Variants in RNF25 observed in about 807,000 individuals in gnomAD.
RNF25 encodes ring finger protein 25.
RNF25 carries 32 observed loss-of-function variants against 65.0 expected under a neutral mutation model. The observed-to-expected ratio is 0.49, with a 90% CI of 0.37 to 0.66. The LOEUF is 0.66. Among genes scored for constraint, RNF25 ranks in the 30% least tolerant of loss-of-function variants. RNF25 has a pLI of 0.00. For missense variants in RNF25, 493 were observed against 584.8 expected, an observed-to-expected ratio of 0.84 and a Z score of 1.62; for synonymous variants, 207 against 221.2, an observed-to-expected ratio of 0.94 and a Z score of 0.57.
chr2:218,669,604 G>T (rs1041739766), intron 1 of RNF25, among the ~76,000 whole-genome samples: 1 of 152,160 alleles, frequency 6.6e-6, no homozygotes. Context: ...ACATACTTAA[G>T]CATAGAAACA....
intron 1 of RNF25, among the ~76,000 whole-genome samples, chr2:218,670,819 C>T (rs909162078): frequency 7.3e-5 from 11 of 151,524 alleles, no homozygotes; most frequent in African/African-American, 2.7e-4. Flanking sequence ...TATCTTTTGG[C>T]AAATCACTTT....
In RNF25 at chr2:218,663,895, G is replaced by T; in HGVS notation, c.*62C>A. The T allele has an allele frequency of 7.6e-7, 1 of 1,320,724 alleles. No individual in the cohort carries two copies. Among genetic ancestry groups the T allele is most frequent in the South Asian group, 2.1e-5 (1 of 46,976 alleles). The allele number at this position is 1,320,724 out of a possible 1,614,324, so 81.8% of individuals were successfully genotyped here. A position where few individuals can be genotyped will look rare whatever the true frequency, so the allele number is the denominator to read the frequency against. On this transcript the variant is annotated 3_prime_UTR_variant, in exon 10 of 10. Transcript: ENST00000295704. The stretch of plus-strand genomic sequence containing the variant: ...CTGCTAAGCAAAGAAAGCCAAAGAA[G>T]GCCAAATATCTTTATTGCCTCCCTC...
At chr2:218,665,625 C>T (rs1968346) in intron 7 of RNF25, among the ~76,000 whole-genome samples, 50,136 of 151,720 alleles carry the variant, frequency 0.33, 8,825 homozygotes, top group Non-Finnish European at 0.39. Context: ...CACCTATAAT[C>T]CCAGCTACTC....
chr2:218,669,226 G>A (rs1939898276), intron 1 of RNF25, among the ~76,000 whole-genome samples: 2 of 152,216 alleles, frequency 1.3e-5, no homozygotes, highest in African/African-American at 4.8e-5. Flanking sequence ...TGTAATGGAA[G>A]AGCCAGCAGC....
In RNF25 at chr2:218,668,257, C is replaced by T. The variant is rs1448622892; in HGVS notation, c.201G>A (p.Val67=). The change falls in exon 3 of 10, where the codon GTG becomes GTA. Residue 67 remains valine, a synonymous_variant. Transcript: ENST00000295704. The part of the protein sequence containing the change: ...QDSQYVCFTL[V]LQVPAEYPHE... ...GCTTCACCTCTGCTGGGACCTGAAGCACCAGAGTGAAGCAGACATACTGTG... is the reference window on the plus strand; with the variant it reads ...GCTTCACCTCTGCTGGGACCTGAAGTACCAGAGTGAAGCAGACATACTGTG... 2.5e-6 allele frequency: 4 copies of T among 1,614,008 alleles called. No individual in the cohort carries two copies. The highest frequency in any genetic ancestry group is 3.4e-6 in the Non-Finnish European group (4 of 1,179,988).
At position 218,664,244 on chromosome 2, in the gene RNF25, C is replaced by T. The variant is rs751839663; in HGVS notation, c.1093G>A (p.Gly365Ser). ...PKGGECHAPK[G>S]TRDTQELPPP... Reference sequence around the variant, plus strand: ...GGCAGTTCCTGGGTGTCACGGGTACCTTTAGGGGCGTGGCACTCCCCTCCC... The same window carrying T: ...GGCAGTTCCTGGGTGTCACGGGTACTTTTAGGGGCGTGGCACTCCCCTCCC... Residue 365 changes from glycine to serine, a missense_variant, in exon 10 of 10, where the codon GGT (glycine) becomes AGT (serine). Gly to Ser is a moderately conservative substitution (Grantham distance 56). Around this residue, in one of 3 missense-constraint regions of RNF25, gnomAD observed 351 missense variants for 400.2 expected, o/e 0.88. Transcript: ENST00000295704. This position sits in a 1 kb window ranked among gnomAD's most constrained non-coding sequence, Gnocchi z 5.1. The T allele has an allele frequency of 6.2e-7, 1 of 1,603,650 alleles. No individual in the cohort carries two copies. The highest frequency in any genetic ancestry group is 1.3e-5 in the African/African-American group (1 of 74,552).
rs1043135429 is a variant in RNF25 at position 218,671,835 on chromosome 2, A to G, written c.41+95T>C. ...TCTGCCATCCCTCATCCCTCGCTCC[A>G]CCCCACACGCCCGCCGTACGGACCG... On this transcript the variant is annotated intron_variant, in intron 1 of 9. Transcript: ENST00000295704. 3 of 1,388,654 alleles carry G rather than the reference A, an allele frequency of 2.2e-6. No homozygotes were observed. The African/African-American group carries it at 4.3e-5, about 20-fold the overall frequency. The allele number at this position is 1,388,654 out of a possible 1,614,324, so 86.0% of individuals were successfully genotyped here. A position where few individuals can be genotyped will look rare whatever the true frequency, so the allele number is the denominator to read the frequency against.
chr2:218,665,899 G>C lies in RNF25; in HGVS notation c.573+17C>G. On this transcript the variant is annotated intron_variant, in intron 7 of 9. Transcript: ENST00000295704. ...CCTAAGGGTGTCAGATGAGTGTGCA[G>C]GTGCAGTGAGGTCTACCTGTTTGGT... 1 of 1,608,842 alleles carries C rather than the reference G, an allele frequency of 6.2e-7. No individual in the cohort carries two copies.
intron 1 of RNF25, 71 bp downstream of exon 1, chr2:218,671,859 C>A: frequency 6.4e-7 from 1 of 1,558,708 alleles, no homozygotes. Context: ...CCGTACGGAC[C>A]GTCTGCGACA....
chr2:218,664,639 T>C lies in RNF25; in HGVS notation c.801+100A>G. 1.3e-6 allele frequency: 2 copies of C among 1,583,450 alleles called. No individual in the cohort carries two copies. The highest frequency in any genetic ancestry group is 1.7e-6 in the Non-Finnish European group (2 of 1,161,152). On this transcript the variant is annotated intron_variant, in intron 9 of 9. Coordinates refer to ENST00000295704, the MANE Select transcript of RNF25 (RefSeq NM_022453.3). This position sits in a 1 kb window ranked among gnomAD's most constrained non-coding sequence, Gnocchi z 5.1. ...TGGGCTGACCACGATCAGCCTATCA[T>C]CTTCCTGGTTAGAACAAAGCTCACT...
At chr2:218,668,203 C>A (rs778272851) in intron 3 of RNF25, 36 bp downstream of exon 3, 5 of 1,611,620 alleles carry the variant, frequency 3.1e-6, no homozygotes, top group Non-Finnish European at 4.2e-6. Flanking sequence ...GGACTCTCCC[C>A]TTCCTCCCTT....
intron 1 of RNF25, 100 bp downstream of exon 1, chr2:218,671,830 G>T: frequency 7.6e-7 from 1 of 1,319,278 alleles, no homozygotes; most frequent in Non-Finnish European, 1.1e-6. Context: ...CTCATCCCTC[G>T]CTCCACCCCA....
intron 1 of RNF25, among the ~76,000 whole-genome samples, chr2:218,670,421 C>T (rs1209000040): frequency 1.3e-5 from 2 of 149,736 alleles, no homozygotes; most frequent in South Asian, 2.1e-4. Flanking sequence ...GGGGGCCGGG[C>T]GCGGTGGCTC....
At position 218,664,667 on chromosome 2, in the gene RNF25, G is replaced by A; in HGVS notation, c.801+72C>T. On this transcript the variant is annotated intron_variant, in intron 9 of 9. Coordinates refer to ENST00000295704, the MANE Select transcript of RNF25 (RefSeq NM_022453.3). This position sits in a 1 kb window ranked among gnomAD's most constrained non-coding sequence, Gnocchi z 5.1. ...TCCTGGTTAGAACAAAGCTCACTCT[G>A]GGGCCATGGCTGATTGGGGTTTGTA... 6.2e-7 allele frequency: 1 copy of A among 1,603,072 alleles called. No individual in the cohort carries two copies. The highest frequency in any genetic ancestry group is 8.5e-7 in the Non-Finnish European group (1 of 1,173,020).
In RNF25 at chr2:218,664,076, C is replaced by A; in HGVS notation, c.1261G>T (p.Glu421Ter). 1 of 1,511,306 alleles carries A rather than the reference C, an allele frequency of 6.6e-7. No homozygotes were observed. Among genetic ancestry groups the A allele is most frequent in the Admixed American group, 2.3e-5 (1 of 43,910 alleles). 93.6% of individuals were successfully genotyped at this position (1,511,306 alleles called of 1,614,324 possible). A position where few individuals can be genotyped will look rare whatever the true frequency, so the allele number is the denominator to read the frequency against. ...CCGGGTGTCCGGCCTTTAGAGCGCT[C>A]CCAGCGAACACAGTCCCGAGTCCTG... Reference protein sequence around the residue: ...PRRTRDCVRWERSKGRTPGSS... With the variant: ...PRRTRDCVRW Residue 421 changes from glutamate to a stop codon, truncating the protein, a stop_gained, in exon 10 of 10, where the codon GAG (glutamate) becomes TAG (stop). Transcript: ENST00000295704. LOFTEE classifies it high-confidence loss of function. This position sits in a 1 kb window ranked among gnomAD's most constrained non-coding sequence, Gnocchi z 5.1.
Position 218,663,930 on chromosome 2 carries a change from A to G in RNF25, c.*27T>C, listed in dbSNP as rs749821615. On this transcript the variant is annotated 3_prime_UTR_variant, in exon 10 of 10. Transcript: ENST00000295704. ...CTTTATTGCCTCCCTCCCATCCCCA[A>G]TTCCCTGTTCCCCCCACCAAGTCCT... The G allele has an allele frequency of 1.4e-6, 2 of 1,416,610 alleles. No homozygotes were observed. Among genetic ancestry groups the G allele is most frequent in the Non-Finnish European group, 1.9e-6 (2 of 1,080,162 alleles). 87.8% of individuals were successfully genotyped at this position (1,416,610 alleles called of 1,614,324 possible).
At chr2:218,669,294 C>A (rs1939899399) in intron 1 of RNF25, among the ~76,000 whole-genome samples, 1 of 152,194 alleles carries the variant, frequency 6.6e-6, no homozygotes, top group Non-Finnish European at 1.5e-5. Context: ...GGGACGTGAC[C>A]TCTCTGTAAG....
chr2:218,663,992 C>T lies in RNF25; in HGVS notation c.1345G>A (p.Glu449Lys), dbSNP rs201760175. Residue 449 changes from glutamate (E) to lysine (K), a missense_variant, in exon 10 of 10, where the codon GAG (glutamate) becomes AAG (lysine). Physicochemically the swap from Glu to Lys is moderately conservative, Grantham distance 56. Around this residue, in one of 3 missense-constraint regions of RNF25, gnomAD observed 351 missense variants for 400.2 expected, o/e 0.88. Transcript: ENST00000295704. ...QGAYRPGTRRESLGLESKDGS is the reference protein window; with the variant it reads ...QGAYRPGTRRKSLGLESKDGS ...TCCTTAGATTCCAGGCCCAGGGACT[C>T]CCTCCGAGTACCAGGCCGGTATGCT... 2 of 1,465,046 alleles carry T rather than the reference C, an allele frequency of 1.4e-6. No individual in the cohort carries two copies. The allele number at this position is 1,465,046 out of a possible 1,614,324, so 90.8% of individuals were successfully genotyped here. A position where few individuals can be genotyped will look rare whatever the true frequency, so the allele number is the denominator to read the frequency against.
chr2:218,664,681 T>C lies in RNF25; in HGVS notation c.801+58A>G, dbSNP rs1412241423. The C allele has an allele frequency of 2.5e-6, 4 of 1,608,532 alleles. No individual in the cohort carries two copies. The highest frequency in any genetic ancestry group is 4.5e-5 in the East Asian group (2 of 44,876). ...AAGCTCACTCTGGGGCCATGGCTGA[T>C]TGGGGTTTGTAGAAAGGTTGGTGGC... On this transcript the variant is annotated intron_variant, in intron 9 of 9. Coordinates refer to ENST00000295704, the MANE Select transcript of RNF25 (RefSeq NM_022453.3). This position sits in a 1 kb window ranked among gnomAD's most constrained non-coding sequence, Gnocchi z 5.1.
Sources: gnomAD v4.1 joint callset for allele counts (sites outside exome capture counted in the v4.1 genomes callset) on GRCh38, gnomAD v4.1.1 for gene constraint, gnomAD v4.1.1 regional missense constraint, Gnocchi (gnomAD v3.1) non-coding constraint, MANE v1.5 for transcripts, NCBI Gene and HGNC (gene_info 2026-07-23, HGNC 2026-07-21) for gene names.